BCO1: variants seen among roughly 807,000 people sequenced by gnomAD.
BCO1 encodes beta,beta-carotene 15,15'-dioxygenase.
Under a neutral mutation model 56.3 loss-of-function variants are expected in BCO1, and 54 were observed. That is an observed-to-expected ratio of 0.96 (90% CI 0.77 to 1.20). The LOEUF is 1.20. BCO1 is among the 50% of genes most tolerant of loss of function. BCO1 has a pLI of 0.00. For missense variants in BCO1, 801 were observed against 690.9 expected (o/e 1.16, Z -1.79); for synonymous variants, 318 against 266.1 (o/e 1.20, Z -1.90).
intron 7 of BCO1, among the ~76,000 whole-genome samples, chr16:81,274,664 G>A (rs58794372): frequency 6.6e-6 from 1 of 152,178 alleles, no homozygotes; most frequent in Admixed American, 6.5e-5. Context: ...GATCACCTGA[G>A]GTCAGGAGTT....
rs529281343 is a variant in BCO1, at chr16:81,275,366, G to T, written c.1101+4950G>T. The stretch of plus-strand genomic sequence containing the variant: ...GCCCAGACCGGGGAAGCCCAGGCCC[G>T]GGTGTGGTCTCAGAAACCCCCAGTG... On this transcript the variant is annotated intron_variant, in intron 7 of 10. Coordinates refer to ENST00000258168, the MANE Select transcript of BCO1 (RefSeq NM_017429.3). Among the ~76,000 whole-genome samples the T allele has an allele frequency of 1.5e-3, 232 of 152,234 alleles. 2 individuals carry two copies. Among genetic ancestry groups the T allele is most frequent in the Non-Finnish European group, 2.8e-3 (189 of 68,032 alleles).
intron 2 of BCO1, among the ~76,000 whole-genome samples, chr16:81,254,874 G>A (rs1183023310): frequency 6.6e-6 from 1 of 152,148 alleles, no homozygotes; most frequent in Admixed American, 6.6e-5. Context: ...TTGGCTCACT[G>A]TAGCCTTGAC....
intron 1 of BCO1, among the ~76,000 whole-genome samples, chr16:81,242,175 G>A (rs1046235267): frequency 6.6e-6 from 1 of 150,756 alleles, no homozygotes; most frequent in African/African-American, 2.4e-5. Context: ...GGTGCCCAAG[G>A]CAAGAGACTT....
intron 2 of BCO1, 41 bp downstream of exon 2, chr16:81,245,644 G>A (rs1333279251): frequency 2.5e-6 from 4 of 1,613,542 alleles, no homozygotes; most frequent in South Asian, 2.2e-5. Flanking sequence ...CTGCAGCAAA[G>A]GACCCCAAAT....
At chr16:81,245,377 C>A in intron 1 of BCO1, 98 bp from the exon 2 acceptor site, 1 of 1,565,756 alleles carries the variant, frequency 6.4e-7, no homozygotes, top group Admixed American at 1.7e-5. Flanking sequence ...AGGAGTGGTA[C>A]TGGGACCACA....
intron 1 of BCO1, among the ~76,000 whole-genome samples, 154 bp downstream of exon 1, chr16:81,239,126 C>A (rs1054159676): frequency 1.3e-5 from 2 of 151,808 alleles, no homozygotes; most frequent in African/African-American, 2.4e-5. Context: ...AAACGATCCT[C>A]CCACCACAGC....
intron 9 of BCO1, among the ~76,000 whole-genome samples, chr16:81,286,438 G>T (rs1226075128): frequency 6.6e-6 from 1 of 152,154 alleles, no homozygotes; most frequent in Non-Finnish European, 1.5e-5. Context: ...GATTAAGAGA[G>T]ATTCAGGGAA....
chr16:81,251,195 A>G (rs574470814), intron 2 of BCO1, among the ~76,000 whole-genome samples: 2 of 152,314 alleles, frequency 1.3e-5, no homozygotes, highest in East Asian at 3.9e-4. Context: ...ACTTTGGAGC[A>G]AGAAACAAAA....
In BCO1 at chr16:81,284,690, G is replaced by T. The variant is rs946630862; in HGVS notation, c.1208-850G>T. 4.5e-4 allele frequency among the ~76,000 whole-genome samples: 68 copies of T among 151,974 alleles called. 1 individual carries two copies. Among genetic ancestry groups the T allele is most frequent in the Admixed American group, 4.5e-3 (68 of 15,236 alleles). On this transcript the variant is annotated intron_variant, in intron 8 of 10. Transcript: ENST00000258168. The stretch of plus-strand genomic sequence containing the variant: ...TTAGAGATGGGGTTCTTGCCATGTT[G>T]AGCAGGTTGGTCTCAAACTCCTGGC...
chr16:81,242,393 G>C (rs1567696317), intron 1 of BCO1, among the ~76,000 whole-genome samples: 1 of 151,794 alleles, frequency 6.6e-6, no homozygotes, highest in African/African-American at 2.4e-5. Context: ...TAGTGACGGG[G>C]TTTCACCATA....
At chr16:81,286,732 A>T (rs1908201486) in intron 9 of BCO1, among the ~76,000 whole-genome samples, 1 of 152,126 alleles carries the variant, frequency 6.6e-6, no homozygotes, top group Non-Finnish European at 1.5e-5. Flanking sequence ...TTTTTAAAAG[A>T]ATTCCTTCTA....
chr16:81,246,539 A>G (rs868098731), intron 2 of BCO1, among the ~76,000 whole-genome samples: 47 of 152,058 alleles, frequency 3.1e-4, no homozygotes, highest in African/African-American at 1.1e-3. Context: ...GACATGCCTA[A>G]AGTTGAAACA....
At chr16:81,250,417 G>A (rs756214053) in intron 2 of BCO1, among the ~76,000 whole-genome samples, 26 of 151,958 alleles carry the variant, frequency 1.7e-4, no homozygotes, top group Non-Finnish European at 2.9e-4. Context: ...GACTCTCCGT[G>A]GCACCCCATT....
chr16:81,288,845 C>T (rs1908320716), intron 10 of BCO1, among the ~76,000 whole-genome samples: 1 of 152,208 alleles, frequency 6.6e-6, no homozygotes, highest in African/African-American at 2.4e-5. Context: ...CTTGAGCCTG[C>T]CAGCTTCTTC....
rs955103648 is a variant in BCO1 at position 81,245,696 on chromosome 16, G to A, written c.193+93G>A. On this transcript the variant is annotated intron_variant, in intron 2 of 10. Transcript: ENST00000258168. The stretch of plus-strand genomic sequence containing the variant: ...GCACAAATTTATTCTTTTAGGGATT[G>A]GAGGTCAGAAGTCTAAATCGGGTCT... The A allele has an allele frequency of 3.3e-5, 50 of 1,531,308 alleles. 2 individuals carry two copies. Among genetic ancestry groups the A allele is most frequent in the African/African-American group, 6.8e-5 (5 of 73,238 alleles). 94.9% of individuals were successfully genotyped at this position (1,531,308 alleles called of 1,614,324 possible).
chr16:81,288,321 G>C (rs1908296430), intron 10 of BCO1, among the ~76,000 whole-genome samples: 1 of 152,146 alleles, frequency 6.6e-6, no homozygotes. Context: ...GGAGTGTAGT[G>C]GCATGATCAT....
intron 6 of BCO1, among the ~76,000 whole-genome samples, chr16:81,268,900 G>GTCCC (rs1476625209): frequency 1.3e-5 from 2 of 151,570 alleles, no homozygotes; most frequent in African/African-American, 4.9e-5. Flanking sequence ...CAAGTAGCTG[G>GTCCC]AACCAGAGGC....
intron 5 of BCO1, among the ~76,000 whole-genome samples, chr16:81,267,529 C>T (rs1351328081): frequency 1.3e-5 from 2 of 152,162 alleles, no homozygotes; most frequent in Non-Finnish European, 2.9e-5. Context: ...AGGAGAATTG[C>T]TTGAACCTGG....
At position 81,245,536 on chromosome 16, in the gene BCO1, TG is replaced by T; in HGVS notation, c.130del (p.Glu44SerfsTer31). The T allele has an allele frequency of 6.2e-7, 1 of 1,613,786 alleles. No individual in the cohort carries two copies. The highest frequency in any genetic ancestry group is 8.5e-7 in the Non-Finnish European group (1 of 1,179,700). ...GCAATGGGCCTGGGATGCACACAGT[TG>T]GGGAGTCCAGATACAACCATTGGTT... Reference protein sequence around the residue: ...LRNGPGMHTVGESRYNHWFDG... With the variant: ...LRNGPGMHTVXESRYNHWFDG... On this transcript the variant is annotated frameshift_variant, in exon 2 of 11. Coordinates refer to ENST00000258168, the MANE Select transcript of BCO1 (RefSeq NM_017429.3). LOFTEE classifies it high-confidence loss of function.
Sources: gnomAD v4.1 joint callset for allele counts (sites outside exome capture counted in the v4.1 genomes callset) on GRCh38, gnomAD v4.1.1 for gene constraint, MANE v1.5 for transcripts, NCBI Gene and HGNC (gene_info 2026-07-23, HGNC 2026-07-21) for gene names.